The following PLXDC1 variants were observed in gnomAD, a reference collection of about 807,000 sequenced individuals.
The protein encoded by PLXDC1 is plexin domain-containing protein 1.
PLXDC1 carries 39 observed loss-of-function variants against 61.3 expected under a neutral mutation model. That is an observed-to-expected ratio of 0.64 (90% CI 0.49 to 0.83). PLXDC1 has a LOEUF of 0.83. PLXDC1 is among the 40% of genes least tolerant of loss of function. PLXDC1 has a pLI of 0.00. For synonymous variants in PLXDC1, 212 were observed against 254.5 expected (o/e 0.83, Z 1.59); for missense variants, 596 against 666.5 (o/e 0.89, Z 1.17).
At chr17:39,115,707 G>A (rs1910945254) in intron 2 of PLXDC1, among the ~76,000 whole-genome samples, 1 of 152,212 alleles carries the variant, frequency 6.6e-6, no homozygotes, top group Non-Finnish European at 1.5e-5. Context: ...GCTGGCATTT[G>A]CTGAGTGGTG....
intron 5 of PLXDC1, 42 bp downstream of exon 5, chr17:39,108,081 T>A (rs760829319): frequency 6.2e-7 from 1 of 1,613,418 alleles, no homozygotes; most frequent in Non-Finnish European, 8.5e-7. Context: ...GGACAAGGGA[T>A]CCCTGGAGCT....
chr17:39,143,634 G>C (rs1456980188), intron 1 of PLXDC1, among the ~76,000 whole-genome samples: 2 of 152,238 alleles, frequency 1.3e-5, no homozygotes, highest in Non-Finnish European at 1.5e-5. Flanking sequence ...CTCCGCTGTG[G>C]GGCCCTGCTT....
At chr17:39,070,300 A>G (rs1480258666) in intron 12 of PLXDC1, 1 of 292,814 alleles carries the variant, frequency 3.4e-6, no homozygotes, top group African/African-American at 2.2e-5. Context: ...CCACTACATA[A>G]GTGCTATTAA....
At chr17:39,088,738 C>T (rs921063181) in intron 7 of PLXDC1, among the ~76,000 whole-genome samples, 20 of 151,738 alleles carry the variant, frequency 1.3e-4, no homozygotes, top group Admixed American at 5.9e-4. Flanking sequence ...GTCAGGAGTT[C>T]GAGACCAGCC....
chr17:39,149,814 C>T (rs1432488759), intron 1 of PLXDC1, among the ~76,000 whole-genome samples: 1 of 152,144 alleles, frequency 6.6e-6, no homozygotes, highest in African/African-American at 2.4e-5. Flanking sequence ...GGTTCAGATC[C>T]TCCCCTCATA....
intron 2 of PLXDC1, among the ~76,000 whole-genome samples, chr17:39,111,439 C>T (rs1243639717): frequency 6.6e-6 from 1 of 152,224 alleles, no homozygotes; most frequent in Non-Finnish European, 1.5e-5. Flanking sequence ...CACACGCCTC[C>T]ACGCCCAGCA....
intron 2 of PLXDC1, among the ~76,000 whole-genome samples, chr17:39,128,971 CTG>C (rs1008208152): frequency 2.0e-5 from 3 of 148,340 alleles, no homozygotes; most frequent in Non-Finnish European, 4.5e-5. Flanking sequence ...GATTGTGCCA[CTG>C]CACTCCAGTC....
chr17:39,085,780 CAG>C (rs1909719045), intron 8 of PLXDC1, among the ~76,000 whole-genome samples: 2 of 152,152 alleles, frequency 1.3e-5, no homozygotes, highest in African/African-American at 4.8e-5. Flanking sequence ...CCAGGGGATA[CAG>C]AGAGTTTTCT....
intron 9 of PLXDC1, chr17:39,080,522 G>T (rs141345449): frequency 0.025 from 3,741 of 152,372 alleles, 74 homozygotes; most frequent in Non-Finnish European, 0.038. Context: ...AAGGCAAAGT[G>T]GGTGGAGGGG....
chr17:39,127,657 G>T (rs1470462834), intron 2 of PLXDC1, among the ~76,000 whole-genome samples: 1 of 151,908 alleles, frequency 6.6e-6, no homozygotes, highest in Non-Finnish European at 1.5e-5. Context: ...AAAAAGACAT[G>T]AAAAGATGCT....
intron 4 of PLXDC1, 64 bp downstream of exon 4, chr17:39,108,840 G>C: frequency 9.1e-7 from 1 of 1,096,092 alleles, no homozygotes; most frequent in Non-Finnish European, 1.4e-6. Flanking sequence ...CCACCCCTGG[G>C]AGGGCCCCTG....
At chr17:39,110,978 C>A (rs148673201) in intron 2 of PLXDC1, among the ~76,000 whole-genome samples, 20 of 152,304 alleles carry the variant, frequency 1.3e-4, no homozygotes, top group Non-Finnish European at 2.5e-4. Context: ...ATCAAAAACA[C>A]CTTGCTCTGT....
Position 39,063,982 on chromosome 17 carries a change from A to C in PLXDC1, c.*3858T>G, listed in dbSNP as rs1908803126. The C allele has an allele frequency of 6.4e-6, 1 of 155,496 alleles. No individual in the cohort carries two copies. Among genetic ancestry groups the C allele is most frequent in the African/African-American group, 2.4e-5 (1 of 41,480 alleles). The allele number at this position is 155,496 out of a possible 1,614,324, so 9.6% of individuals were successfully genotyped here. A position where few individuals can be genotyped will look rare whatever the true frequency, so the allele number is the denominator to read the frequency against. ...TTTTTGAATAGTGTGGTTGGCTGGC[A>C]GCTCTTGTCATTGTTTATCTCTCAA... On this transcript the variant is annotated 3_prime_UTR_variant, in exon 14 of 14. Transcript: ENST00000315392.
chr17:39,087,689 C>T lies in PLXDC1; in HGVS notation c.825G>A (p.Arg275=). 6.2e-7 allele frequency: 1 copy of T among 1,613,582 alleles called. No individual in the cohort carries two copies. The highest frequency in any genetic ancestry group is 8.5e-7 in the Non-Finnish European group (1 of 1,179,698). Residue 275 remains arginine (R), a synonymous_variant, in exon 8 of 14, where the codon AGG becomes AGA. Transcript: ENST00000315392. ...CTATGCGGTGATATTCAAAGATGCT[C>T]CTTCGCCGAGATTCTGAAACAGAGG... ...PSPDVPESRR[R]SIFEYHRIEL...
At chr17:39,106,453 C>G (rs1421283868) in intron 6 of PLXDC1, among the ~76,000 whole-genome samples, 1 of 151,722 alleles carries the variant, frequency 6.6e-6, no homozygotes, top group Non-Finnish European at 1.5e-5. Flanking sequence ...TGTCCTGCCC[C>G]TCACTCTCTC....
chr17:39,073,715 T>C (rs994473745), intron 11 of PLXDC1, among the ~76,000 whole-genome samples: 57 of 152,362 alleles, frequency 3.7e-4, no homozygotes, highest in African/African-American at 1.4e-3. Context: ...CATGCAATGT[T>C]GATCAAATGA....
chr17:39,127,191 C>A (rs1052765692), intron 2 of PLXDC1, among the ~76,000 whole-genome samples: 2 of 152,138 alleles, frequency 1.3e-5, no homozygotes, highest in Admixed American at 1.3e-4. Context: ...ATCAGTCCCA[C>A]CTTACAGATG....
intron 12 of PLXDC1, 71 bp from the exon 13 acceptor site, chr17:39,070,087 T>A: frequency 8.2e-7 from 1 of 1,214,496 alleles, no homozygotes; most frequent in Non-Finnish European, 1.2e-6. Flanking sequence ...GGGTCTTGGG[T>A]TCTAACAAAG....
chr17:39,148,105 G>C (rs751396807), intron 1 of PLXDC1, among the ~76,000 whole-genome samples: 1 of 152,072 alleles, frequency 6.6e-6, no homozygotes, highest in South Asian at 2.1e-4. Context: ...TCTGGGGAGA[G>C]CTAGAGAAGA....
Sources: gnomAD v4.1 joint callset for allele counts (sites outside exome capture counted in the v4.1 genomes callset) on GRCh38, gnomAD v4.1.1 for gene constraint, MANE v1.5 for transcripts, NCBI Gene and HGNC (gene_info 2026-07-23, HGNC 2026-07-21) for gene names.